The following TACR3 variants were observed in gnomAD, a reference collection of about 807,000 sequenced individuals.
The protein encoded by TACR3 is neuromedin-K receptor.
In TACR3, 34 loss-of-function variants were observed where a neutral mutation model predicts 35.0. The ratio of observed to expected loss-of-function variants is 0.97; its 90% CI spans 0.74 to 1.30. The LOEUF (loss-of-function observed/expected upper bound fraction) is 1.30, where lower values mean the gene tolerates loss of function less well. TACR3 is among the 50% of genes most tolerant of loss of function. The pLI is 0.00. For synonymous variants in TACR3, 233 were observed against 221.1 expected, an observed-to-expected ratio of 1.05 and a Z score of -0.48; for missense variants, 558 against 591.7, an observed-to-expected ratio of 0.94 and a Z score of 0.59.
intron 3 of TACR3, among the ~76,000 whole-genome samples, chr4:103,625,865 G>T (rs1303857553): frequency 6.6e-6 from 1 of 152,096 alleles, no homozygotes; most frequent in African/African-American, 2.4e-5. Context: ...CAGGTAAAAT[G>T]AGATCATACA....
chr4:103,589,812 G>A lies in TACR3; in HGVS notation c.1268C>T (p.Ser423Phe), dbSNP rs755851256. ...TGGCGTTGCTCTTTTCTTCCGACTG[G>A]ACCTGGTGGTGTCTGCATCGTTGGG... ...FDPNDADTTR[S>F]SRKKRATPRD... Residue 423 changes from serine to phenylalanine, a missense_variant, in exon 5 of 5, where the codon TCC becomes TTC. Ser to Phe is a radical substitution (Grantham distance 155). Coordinates refer to ENST00000304883, the MANE Select transcript of TACR3 (RefSeq NM_001059.3). The A allele has an allele frequency of 2.5e-6, 4 of 1,613,926 alleles. No individual in the cohort carries two copies. The highest frequency in any genetic ancestry group is 3.4e-6 in the Non-Finnish European group (4 of 1,179,886).
chr4:103,714,255 C>T (rs1723036273), intron 1 of TACR3, among the ~76,000 whole-genome samples: 1 of 151,912 alleles, frequency 6.6e-6, no homozygotes, highest in African/African-American at 2.4e-5. Context: ...GTTAATATAA[C>T]CTTGATATCA....
At chr4:103,618,591 T>G (rs71597163) in intron 3 of TACR3, among the ~76,000 whole-genome samples, 6 of 96,668 alleles carry the variant, frequency 6.2e-5, no homozygotes, top group Non-Finnish European at 4.4e-5. Context: ...TTTTTTTTTT[T>G]GTTCCATATG....
At chr4:103,632,212 G>C (rs1448434379) in intron 3 of TACR3, among the ~76,000 whole-genome samples, 1 of 152,070 alleles carries the variant, frequency 6.6e-6, no homozygotes. Context: ...TGTGAATTTG[G>C]CTTACCAGAT....
At chr4:103,601,852 C>G (rs1673335803) in intron 3 of TACR3, among the ~76,000 whole-genome samples, 1 of 152,142 alleles carries the variant, frequency 6.6e-6, no homozygotes, top group Non-Finnish European at 1.5e-5. Flanking sequence ...GTGAATCTGA[C>G]AATTATGTGT....
At chr4:103,684,827 A>G (rs991103860) in intron 1 of TACR3, among the ~76,000 whole-genome samples, 10 of 151,932 alleles carry the variant, frequency 6.6e-5, no homozygotes, top group Non-Finnish European at 1.5e-4. Flanking sequence ...ACATAGCAAA[A>G]AACCTGTCTC....
intron 3 of TACR3, among the ~76,000 whole-genome samples, chr4:103,630,359 G>C (rs1578234262): frequency 6.6e-6 from 1 of 152,176 alleles, no homozygotes; most frequent in Non-Finnish European, 1.5e-5. Flanking sequence ...AAACTAAAGA[G>C]CTTCTGTACA....
At chr4:103,718,996 T>C (rs1723149081) in intron 1 of TACR3, 132 bp downstream of exon 1, 1 of 1,335,936 alleles carries the variant, frequency 7.5e-7, no homozygotes, top group East Asian at 2.5e-5. Context: ...GTGTCCTCCT[T>C]TCAGCAAAAA....
At chr4:103,639,470 T>C (rs1442230853) in intron 3 of TACR3, among the ~76,000 whole-genome samples, 1 of 151,876 alleles carries the variant, frequency 6.6e-6, no homozygotes, top group Non-Finnish European at 1.5e-5. Context: ...AGGGATAGCA[T>C]TGGAAGATAT....
At chr4:103,598,916 A>G (rs1012891856) in intron 3 of TACR3, among the ~76,000 whole-genome samples, 1 of 152,084 alleles carries the variant, frequency 6.6e-6, no homozygotes, top group Non-Finnish European at 1.5e-5. Flanking sequence ...CTTTTGGCTT[A>G]GGACTGACTT....
chr4:103,631,398 T>C (rs552385287), intron 3 of TACR3, among the ~76,000 whole-genome samples: 3 of 152,260 alleles, frequency 2.0e-5, no homozygotes, highest in Admixed American at 1.3e-4. Flanking sequence ...CTGCATACTA[T>C]ATCAATAATG....
chr4:103,717,869 A>G (rs1723125272), intron 1 of TACR3, among the ~76,000 whole-genome samples: 1 of 152,068 alleles, frequency 6.6e-6, no homozygotes, highest in Non-Finnish European at 1.5e-5. Flanking sequence ...AGGGGTGCAT[A>G]TGTGTGGATA....
chr4:103,712,884 T>A (rs919091917), intron 1 of TACR3, among the ~76,000 whole-genome samples: 2 of 152,178 alleles, frequency 1.3e-5, no homozygotes, highest in Non-Finnish European at 2.9e-5. Context: ...ATGCTCATCA[T>A]CACTGGCCAT....
intron 1 of TACR3, among the ~76,000 whole-genome samples, chr4:103,661,772 G>A (rs1403441254): frequency 6.6e-6 from 1 of 152,076 alleles, no homozygotes; most frequent in Non-Finnish European, 1.5e-5. Flanking sequence ...ACATGTTAGT[G>A]ATAGTAGAGA....
intron 1 of TACR3, among the ~76,000 whole-genome samples, chr4:103,710,771 T>C (rs1186094655): frequency 1.3e-5 from 2 of 150,656 alleles, no homozygotes; most frequent in Non-Finnish European, 3.0e-5. Flanking sequence ...GAAAAGAGAG[T>C]GGAATCAAAT....
intron 1 of TACR3, among the ~76,000 whole-genome samples, chr4:103,674,781 A>G (rs192989748): frequency 3.3e-5 from 5 of 152,166 alleles, no homozygotes; most frequent in South Asian, 2.1e-4. Flanking sequence ...TGATCTCTTG[A>G]CCTCATGATC....
chr4:103,617,842 G>GACTT (rs1253586901), intron 3 of TACR3, among the ~76,000 whole-genome samples: 3 of 152,066 alleles, frequency 2.0e-5, no homozygotes, highest in Non-Finnish European at 2.9e-5. Context: ...TTTAAGTAAT[G>GACTT]ACTTAAATAG....
intron 1 of TACR3, among the ~76,000 whole-genome samples, chr4:103,718,132 G>A (rs1340961650): frequency 6.6e-6 from 1 of 151,964 alleles, no homozygotes; most frequent in Non-Finnish European, 1.5e-5. Context: ...TATTATAATG[G>A]CAACTGAAAT....
chr4:103,652,698 G>T (rs1397431347), intron 3 of TACR3, among the ~76,000 whole-genome samples: 1 of 151,924 alleles, frequency 6.6e-6, no homozygotes, highest in Non-Finnish European at 1.5e-5. Flanking sequence ...CTGGCTCAGA[G>T]TAGTGTATAG....
Sources: gnomAD v4.1 joint callset for allele counts (sites outside exome capture counted in the v4.1 genomes callset) on GRCh38, gnomAD v4.1.1 for gene constraint, MANE v1.5 for transcripts, NCBI Gene and HGNC (gene_info 2026-07-23, HGNC 2026-07-21) for gene names.